TPD52L2: variants seen among roughly 807,000 people sequenced by gnomAD.
The protein encoded by TPD52L2 is tumor protein D54.
TPD52L2 carries 19 observed loss-of-function variants against 24.7 expected under a neutral mutation model. The observed-to-expected ratio is 0.77, with a 90% confidence interval of 0.54 to 1.13. The LOEUF is 1.13. Ranked by LOEUF, TPD52L2 falls within the 50% of genes most tolerant of loss-of-function variation. TPD52L2 has a pLI of 0.00. For synonymous variants in TPD52L2, 104 were observed against 100.2 expected (o/e 1.04, Z -0.23); for missense variants, 236 against 250.4 (o/e 0.94, Z 0.39).
At chr20:63,865,540 T>G (rs993362686) in intron 1 of TPD52L2, among the ~76,000 whole-genome samples, 156 bp downstream of exon 1, 5 of 152,108 alleles carry the variant, frequency 3.3e-5, no homozygotes, top group Non-Finnish European at 7.4e-5. Flanking sequence ...ACCTCGAAGC[T>G]TATGATGGTC....
chr20:63,884,900 G>T (rs912749377), intron 5 of TPD52L2, among the ~76,000 whole-genome samples: 1 of 152,188 alleles, frequency 6.6e-6, no homozygotes, highest in Non-Finnish European at 1.5e-5. Flanking sequence ...GGTGTGTCTT[G>T]CCCTGCTTGC....
intron 2 of TPD52L2, 102 bp from the exon 3 acceptor site, chr20:63,873,566 G>C: frequency 1.5e-6 from 2 of 1,340,992 alleles, no homozygotes; most frequent in Non-Finnish European, 2.0e-6. Context: ...TTAATGCTTT[G>C]GTAAGCGGAA....
chr20:63,889,352 G>A (rs2053249992), intron 6 of TPD52L2, 114 bp downstream of exon 6: 1 of 972,264 alleles, frequency 1.0e-6, no homozygotes. Flanking sequence ...GGGAAGTAAT[G>A]CAGAGAGGTT....
intron 1 of TPD52L2, 100 bp from the exon 2 acceptor site, chr20:63,869,196 A>G: frequency 7.2e-7 from 1 of 1,386,536 alleles, no homozygotes; most frequent in Non-Finnish European, 1.0e-6. Flanking sequence ...CCAGGGTCTC[A>G]CCCACTCCCA....
chr20:63,873,854 G>A (rs2052559065), intron 3 of TPD52L2, 38 bp downstream of exon 3: 1 of 1,452,366 alleles, frequency 6.9e-7, no homozygotes, highest in Admixed American at 3.1e-5. Context: ...GGGGGCTGAA[G>A]AGAACGGGCA....
intron 5 of TPD52L2, chr20:63,887,202 G>C: frequency 2.6e-6 from 1 of 385,138 alleles, no homozygotes; most frequent in Non-Finnish European, 4.9e-6. Flanking sequence ...GTGATTTCTT[G>C]TGTTTTTACT....
intron 6 of TPD52L2, 48 bp downstream of exon 6, chr20:63,889,286 T>C (rs764681628): frequency 6.6e-7 from 1 of 1,505,156 alleles, no homozygotes; most frequent in Non-Finnish European, 9.2e-7. Context: ...TGTGACCTGT[T>C]ACAGCAACTT....
chr20:63,886,098 T>A, intron 5 of TPD52L2: 1 of 1,580,528 alleles, frequency 6.3e-7, no homozygotes, highest in Non-Finnish European at 8.7e-7. Context: ...TGGGGCAGGG[T>A]GGACTCCGGC....
chr20:63,882,886 G>A, intron 5 of TPD52L2, 66 bp downstream of exon 5: 2 of 1,272,964 alleles, frequency 1.6e-6, no homozygotes, highest in Non-Finnish European at 2.2e-6. Context: ...TGTTGGAGGT[G>A]CTACAGGAAG....
intron 5 of TPD52L2, 35 bp downstream of exon 5, chr20:63,882,855 C>A: frequency 6.4e-7 from 1 of 1,550,800 alleles, no homozygotes; most frequent in South Asian, 1.2e-5. Flanking sequence ...GCCCTGAGAC[C>A]TGGCCAGGAG....
At chr20:63,871,992 C>T (rs950351190) in intron 2 of TPD52L2, among the ~76,000 whole-genome samples, 9 of 150,692 alleles carry the variant, frequency 6.0e-5, no homozygotes, top group African/African-American at 2.2e-4. Context: ...ACTGAGAACT[C>T]ATTCTAAAGT....
intron 2 of TPD52L2, among the ~76,000 whole-genome samples, chr20:63,871,688 G>T (rs1241250206): frequency 6.9e-6 from 1 of 145,556 alleles, no homozygotes; most frequent in African/African-American, 2.5e-5. Context: ...GGCTGGAGTG[G>T]AATGGTGCGA....
At chr20:63,871,854 G>C (rs977936923) in intron 2 of TPD52L2, among the ~76,000 whole-genome samples, 5 of 151,630 alleles carry the variant, frequency 3.3e-5, no homozygotes, top group African/African-American at 1.2e-4. Flanking sequence ...GGCTGGTCTC[G>C]GACTCCTGAC....
chr20:63,887,777 G>A lies in TPD52L2; in HGVS notation c.477-1413G>A, dbSNP rs558124314. 2.0e-4 allele frequency: 134 copies of A among 664,870 alleles called. 1 individual carries two copies. Among genetic ancestry groups the A allele is most frequent in the Non-Finnish European group, 3.2e-4 (120 of 380,592 alleles). The allele number at this position is 664,870 out of a possible 1,614,324, so 41.2% of individuals were successfully genotyped here. A position where few individuals can be genotyped will look rare whatever the true frequency, so the allele number is the denominator to read the frequency against. ...CGGTAAAAACCCCCTCTAGGCTGAC[G>A]AGGAAGAGCTGGTAGGGGGTCAGGC... On this transcript the variant is annotated intron_variant, in intron 5 of 6. Coordinates refer to ENST00000346249, the MANE Select transcript of TPD52L2 (RefSeq NM_003288.4).
chr20:63,869,154 T>A, intron 1 of TPD52L2, 142 bp from the exon 2 acceptor site: 28 of 937,408 alleles, frequency 3.0e-5, no homozygotes, highest in Non-Finnish European at 4.5e-5. Flanking sequence ...CATGCTGTCC[T>A]CACAGACCTT....
At chr20:63,869,542 T>G (rs2052384970) in intron 2 of TPD52L2, 101 bp downstream of exon 2, 1 of 1,484,904 alleles carries the variant, frequency 6.7e-7, no homozygotes, top group African/African-American at 1.4e-5. Context: ...GGAATTGCCC[T>G]GGGTGGTCAC....
intron 5 of TPD52L2, chr20:63,888,198 C>G (rs1318601126): frequency 6.4e-6 from 1 of 156,050 alleles, no homozygotes; most frequent in South Asian, 1.9e-4. Flanking sequence ...GTGCTGGCCT[C>G]TAGAGTCCCC....
Position 63,883,513 on chromosome 20 carries a change from G to A in TPD52L2, c.476+693G>A, listed in dbSNP as rs2052977827. 2.0e-5 allele frequency among the ~76,000 whole-genome samples: 3 copies of A among 152,286 alleles called. No individual in the cohort carries two copies. In the South Asian group the frequency reaches 6.2e-4, roughly 32 times the overall value. On this transcript the variant is annotated intron_variant, in intron 5 of 6. Coordinates refer to ENST00000346249, the MANE Select transcript of TPD52L2 (RefSeq NM_003288.4). Reference sequence around the variant, plus strand: ...GGCACCCCAGCTGGGCCTCAGGCACGCCTTCTTTCACAGGGGTTGTAGGAG... The same window carrying A: ...GGCACCCCAGCTGGGCCTCAGGCACACCTTCTTTCACAGGGGTTGTAGGAG...
chr20:63,875,979 AT>A, intron 4 of TPD52L2, 104 bp downstream of exon 4: 1 of 1,164,928 alleles, frequency 8.6e-7, no homozygotes. Flanking sequence ...TTGTTTTGGT[AT>A]TTGCTGGCTA....
Sources: gnomAD v4.1 joint callset for allele counts (sites outside exome capture counted in the v4.1 genomes callset) on GRCh38, gnomAD v4.1.1 for gene constraint, MANE v1.5 for transcripts, NCBI Gene and HGNC (gene_info 2026-07-23, HGNC 2026-07-21) for gene names.